CEP192: variants seen among roughly 807,000 people sequenced by gnomAD.
CEP192 encodes the protein centrosomal protein 192, also known as centrosomal protein of 192 kDa.
A neutral mutation model predicts 271.8 loss-of-function variants in CEP192; 151 were observed. The ratio of observed to expected loss-of-function variants is 0.56; its 90% confidence interval spans 0.49 to 0.64. The LOEUF is 0.64. Ranked by LOEUF, CEP192 falls within the 30% of genes least tolerant of loss-of-function variation. The pLI is 0.00. For synonymous variants in CEP192, 995 were observed against 1,076.5 expected, an observed-to-expected ratio of 0.92 and a Z score of 1.48; for missense variants, 2,910 against 3,020.5, an observed-to-expected ratio of 0.96 and a Z score of 0.86.
chr18:13,005,291 C>T (rs557968914), intron 3 of CEP192, among the ~76,000 whole-genome samples: 125 of 152,116 alleles, frequency 8.2e-4, no homozygotes, highest in Non-Finnish European at 1.5e-3. Flanking sequence ...ATCTTGTCAA[C>T]CCAGCTCTGT....
At chr18:13,091,407 A>G (rs998031226) in intron 33 of CEP192, among the ~76,000 whole-genome samples, 6 of 152,068 alleles carry the variant, frequency 3.9e-5, no homozygotes, top group Non-Finnish European at 7.4e-5. Flanking sequence ...TTATAAGTTT[A>G]TTGCCCAGAG....
chr18:13,022,543 G>T (rs1029149481), intron 9 of CEP192, among the ~76,000 whole-genome samples: 1 of 152,054 alleles, frequency 6.6e-6, no homozygotes, highest in Admixed American at 6.6e-5. Flanking sequence ...ACCATGCCCA[G>T]CTAATTTTTG....
At position 13,088,667 on chromosome 18, in the gene CEP192, C is replaced by T. The variant is rs117734358; in HGVS notation, c.5994-789C>T. 1,865 of 209,916 alleles carry T rather than the reference C, an allele frequency of 8.9e-3. 7 individuals carry two copies. The highest frequency in any genetic ancestry group is 0.013 in the Non-Finnish European group (1,308 of 99,934). 13.0% of individuals were successfully genotyped at this position (209,916 alleles called of 1,614,324 possible). On this transcript the variant is annotated intron_variant, in intron 32 of 44. Transcript: ENST00000506447. Reference sequence around the variant, plus strand: ...ATTAGAAAGGGGGTGTGGAGGAATACGCCTGTTTCCTTCTGACCCTTTGTG... The same window carrying T: ...ATTAGAAAGGGGGTGTGGAGGAATATGCCTGTTTCCTTCTGACCCTTTGTG...
chr18:13,100,897 A>T (rs542111805), intron 38 of CEP192, among the ~76,000 whole-genome samples: 2 of 152,322 alleles, frequency 1.3e-5, no homozygotes, highest in Admixed American at 6.5e-5. Flanking sequence ...AGACTTGCTC[A>T]GTTTCCCCAT....
intron 11 of CEP192, among the ~76,000 whole-genome samples, chr18:13,031,789 C>G (rs929876964): frequency 6.6e-6 from 1 of 152,074 alleles, no homozygotes; most frequent in African/African-American, 2.4e-5. Context: ...ACAAATGTTG[C>G]ACGAGTAGGT....
At position 13,055,209 on chromosome 18, in the gene CEP192, G is replaced by A. The variant is rs369298325; in HGVS notation, c.3190-571G>A. Among the ~76,000 whole-genome samples, 4 of 151,932 alleles carry A rather than the reference G, an allele frequency of 2.6e-5. 1 individual carries two copies. On this transcript the variant is annotated intron_variant, in intron 18 of 44. Coordinates refer to ENST00000506447, the MANE Select transcript of CEP192 (RefSeq NM_032142.4). ...CAGGAAAATGGCTTGAACCAGGGAG[G>A]CGAAGGTTGCAGTGAGCCGAGATTG... is the stretch of plus-strand genomic sequence containing the variant.
intron 34 of CEP192, among the ~76,000 whole-genome samples, chr18:13,093,969 C>T (rs903216008): frequency 6.6e-6 from 1 of 152,156 alleles, no homozygotes; most frequent in African/African-American, 2.4e-5. Context: ...AGATTGCAGG[C>T]CAATTGCTAA....
intron 13 of CEP192, among the ~76,000 whole-genome samples, chr18:13,038,794 G>C (rs762408494): frequency 9.2e-5 from 14 of 152,178 alleles, no homozygotes; most frequent in Non-Finnish European, 1.3e-4. Flanking sequence ...CTCTGTGCCT[G>C]AATTTCCCGT....
intron 30 of CEP192, among the ~76,000 whole-genome samples, chr18:13,080,994 G>T (rs1190184998): frequency 6.6e-6 from 1 of 152,182 alleles, no homozygotes; most frequent in Non-Finnish European, 1.5e-5. Context: ...AAGCCAACTT[G>T]ATCATGGTGG....
chr18:13,054,283 T>G (rs901408631), intron 18 of CEP192, among the ~76,000 whole-genome samples: 11 of 152,210 alleles, frequency 7.2e-5, no homozygotes, highest in Non-Finnish European at 1.6e-4. Flanking sequence ...GGGAATAGAA[T>G]AGAAGATCAG....
At chr18:13,123,368 A>T (rs1170108544) in intron 44 of CEP192, among the ~76,000 whole-genome samples, 1 of 152,240 alleles carries the variant, frequency 6.6e-6, no homozygotes, top group African/African-American at 2.4e-5. Context: ...CCTTTGCTCT[A>T]TATAGATATA....
chr18:12,992,121 A>C (rs1479679336), intron 1 of CEP192, among the ~76,000 whole-genome samples: 1 of 152,144 alleles, frequency 6.6e-6, no homozygotes, highest in Admixed American at 6.5e-5. Context: ...GACCTCTTCA[A>C]GTCAGTCGTT....
intron 30 of CEP192, among the ~76,000 whole-genome samples, chr18:13,079,521 T>C (rs922377841): frequency 2.0e-5 from 3 of 152,250 alleles, no homozygotes; most frequent in Non-Finnish European, 2.9e-5. Context: ...AAGTTCTTTG[T>C]AGATTCTGGA....
chr18:13,084,391 G>T (rs2038786283), intron 30 of CEP192, among the ~76,000 whole-genome samples: 2 of 152,196 alleles, frequency 1.3e-5, no homozygotes, highest in African/African-American at 2.4e-5. Context: ...TGCTGTGTTA[G>T]CAGTGAGCAA....
Position 13,071,055 on chromosome 18 carries a change from G to A in CEP192, c.5191G>A (p.Val1731Met). The A allele has an allele frequency of 1.2e-6, 2 of 1,612,988 alleles. No individual in the cohort carries two copies. The highest frequency in any genetic ancestry group is 1.7e-6 in the Non-Finnish European group (2 of 1,179,542). Reference protein sequence around the residue: ...ACEERILKIFVQPFGPQYEVV... With the variant: ...ACEERILKIFMQPFGPQYEVV... ...CTTTCTTAGGATCTTGAAAATATTTGTGCAGCCATTTGGACCTCAGTATGA... is the reference window on the plus strand; with the variant it reads ...CTTTCTTAGGATCTTGAAAATATTTATGCAGCCATTTGGACCTCAGTATGA... The change falls in exon 28 of 45, where the codon GTG (valine) becomes ATG (methionine). Residue 1731 changes from valine (V) to methionine (M), a missense_variant. Val to Met is a conservative substitution (Grantham distance 21, BLOSUM62 1). Coordinates refer to ENST00000506447, the MANE Select transcript of CEP192 (RefSeq NM_032142.4).
At chr18:12,993,741 T>TTTTTTTTTTTTTTTTTTTTTGAGACGG (rs2033030223) in intron 1 of CEP192, among the ~76,000 whole-genome samples, 1 of 151,906 alleles carries the variant, frequency 6.6e-6, no homozygotes. Flanking sequence ...AAACGTCTCT[T>TTTTTTTTTTTTTTTTTTTTTGAGACGG]AATTCTCTCT....
At chr18:12,996,341 A>C (rs1599013227) in intron 1 of CEP192, among the ~76,000 whole-genome samples, 1 of 152,152 alleles carries the variant, frequency 6.6e-6, no homozygotes, top group African/African-American at 2.4e-5. Flanking sequence ...TTTTTGGCCT[A>C]AGCAGCTAGG....
rs770415104 is a variant in CEP192, at chr18:13,096,258, C to T, written c.6508C>T (p.Pro2170Ser). 1.2e-6 allele frequency: 2 copies of T among 1,614,116 alleles called. No individual in the cohort carries two copies. The highest frequency in any genetic ancestry group is 1.7e-6 in the Non-Finnish European group (2 of 1,179,964). Residue 2170 changes from proline (P) to serine (S), a missense_variant, in exon 36 of 45, where the codon CCA (proline) becomes TCA (serine). Pro to Ser is a moderately conservative substitution (Grantham distance 74). Transcript: ENST00000506447. ...VRLLRFELCWPAHCLTVTPQH... is the reference protein window; with the variant it reads ...VRLLRFELCWSAHCLTVTPQH... ...GTTACTGAGATTTGAGCTGTGCTGGCCAGCGCATTGCCTCACAGTCACGCC... is the reference window on the plus strand; with the variant it reads ...GTTACTGAGATTTGAGCTGTGCTGGTCAGCGCATTGCCTCACAGTCACGCC...
At position 13,008,446 on chromosome 18, in the gene CEP192, A is replaced by G. The variant is rs2034116257; in HGVS notation, c.291-10A>G. The stretch of plus-strand genomic sequence containing the variant: ...ACATTTTATCATTCTTCTGTTTCCT[A>G]ATAAAAAAGTTCTATCTCTAGGAAA... On this transcript the variant is annotated splice_polypyrimidine_tract_variant and intron_variant, in intron 3 of 44. Coordinates refer to ENST00000506447, the MANE Select transcript of CEP192 (RefSeq NM_032142.4). 6.6e-7 allele frequency: 1 copy of G among 1,511,342 alleles called. No homozygotes were observed. Among genetic ancestry groups the G allele is most frequent in the Non-Finnish European group, 8.9e-7 (1 of 1,119,218 alleles). 93.6% of individuals were successfully genotyped at this position (1,511,342 alleles called of 1,614,324 possible). A position where few individuals can be genotyped will look rare whatever the true frequency, so the allele number is the denominator to read the frequency against.
Sources: gnomAD v4.1 joint callset for allele counts (sites outside exome capture counted in the v4.1 genomes callset) on GRCh38, gnomAD v4.1.1 for gene constraint, MANE v1.5 for transcripts, NCBI Gene and HGNC (gene_info 2026-07-23, HGNC 2026-07-21) for gene names.